The following PRR23B variants were observed in gnomAD, a reference collection of about 807,000 sequenced individuals.
The protein encoded by PRR23B is proline-rich protein 23B.
For missense variants in PRR23B, 375 were observed against 371.7 expected (o/e 1.01, Z -0.07); for synonymous variants, 157 against 168.0 (o/e 0.93, Z 0.51).
Position 139,020,662 on chromosome 3 carries a change from C to G in PRR23B, c.-1G>C, listed in dbSNP as rs1361369230. The G allele has an allele frequency of 5.3e-6, 8 of 1,510,732 alleles. No individual in the cohort carries two copies. The highest frequency in any genetic ancestry group is 4.5e-5 in the Admixed American group (2 of 44,644). 93.6% of individuals were successfully genotyped at this position (1,510,732 alleles called of 1,614,324 possible). A position where few individuals can be genotyped will look rare whatever the true frequency, so the allele number is the denominator to read the frequency against. On this transcript the variant is annotated 5_prime_UTR_variant, in exon 1 of 1. Transcript: ENST00000329447. ...TGGGGCTGCGGGGCCGGCTGACCAT[C>G]GCCTCGACGGCGCTGTGGACGGCGC...
chr3:139,019,102 A>G lies in PRR23B; in HGVS notation c.*762T>C, dbSNP rs1468618995. On this transcript the variant is annotated 3_prime_UTR_variant, in exon 1 of 1. Coordinates refer to ENST00000329447, the MANE Select transcript of PRR23B (RefSeq NM_001013650.2). ...ACTACAGTAATAAACTAACATTTTAAAAGTTAGAAGTTTGGTTTACATGAG... is the reference window on the plus strand; with the variant it reads ...ACTACAGTAATAAACTAACATTTTAGAAGTTAGAAGTTTGGTTTACATGAG... 1.3e-5 allele frequency: 2 copies of G among 152,216 alleles called. No individual in the cohort carries two copies. The highest frequency in any genetic ancestry group is 2.9e-5 in the Non-Finnish European group (2 of 68,036). 9.4% of individuals were successfully genotyped at this position (152,216 alleles called of 1,614,324 possible). A position where few individuals can be genotyped will look rare whatever the true frequency, so the allele number is the denominator to read the frequency against.
Position 139,020,645 on chromosome 3 carries a change from C to T in PRR23B, c.17G>A (p.Arg6His), listed in dbSNP as rs1346915827. ...GGGAGCAGGGAAGGCGCTGGGGCTGCGGGGCCGGCTGACCATCGCCTCGAC... is the reference window on the plus strand; with the variant it reads ...GGGAGCAGGGAAGGCGCTGGGGCTGTGGGGCCGGCTGACCATCGCCTCGAC... MVSRP[R>H]SPSAFPAPWW... Residue 6 changes from arginine to histidine, a missense_variant, in exon 1 of 1, where the codon CGC (arginine) becomes CAC (histidine). Arg to His is a conservative substitution (Grantham distance 29). Coordinates refer to ENST00000329447, the MANE Select transcript of PRR23B (RefSeq NM_001013650.2). The T allele has an allele frequency of 5.4e-5, 82 of 1,532,380 alleles. No homozygotes were observed. Among genetic ancestry groups the T allele is most frequent in the Middle Eastern group, 2.3e-4 (1 of 4,310 alleles). The allele number at this position is 1,532,380 out of a possible 1,614,324, so 94.9% of individuals were successfully genotyped here. A position where few individuals can be genotyped will look rare whatever the true frequency, so the allele number is the denominator to read the frequency against.
At position 139,020,752 on chromosome 3, in the gene PRR23B, G is replaced by T. The variant is rs1392387124; in HGVS notation, c.-91C>A. The T allele has an allele frequency of 2.2e-6, 3 of 1,390,362 alleles. No individual in the cohort carries two copies. In the East Asian group the frequency reaches 8.3e-5, roughly 39 times the overall value. The allele number at this position is 1,390,362 out of a possible 1,614,324, so 86.1% of individuals were successfully genotyped here. On this transcript the variant is annotated 5_prime_UTR_variant, in exon 1 of 1. Transcript: ENST00000329447. ...AGTCCTCTTTGAAGTAACAGATGTCGGTGGTAGGGGAGGCTGGTTGGGACG... is the reference window on the plus strand; with the variant it reads ...AGTCCTCTTTGAAGTAACAGATGTCTGTGGTAGGGGAGGCTGGTTGGGACG...
In PRR23B at chr3:139,020,557, C is replaced by G. The variant is rs551593767; in HGVS notation, c.105G>C (p.Ala35=). The G allele has an allele frequency of 1.0e-4, 159 of 1,551,190 alleles. No individual in the cohort carries two copies. The highest frequency in any genetic ancestry group is 4.5e-4 in the Middle Eastern group (2 of 4,396). ...TGGGTGCCGCGCGGGGTTCGGGGCC[C>G]GCGGGCTCCTCCAATCGGAGGCGCT... The part of the protein sequence containing the change: ...PAKRLRLEEP[A]GPEPRAAPSL... The change falls in exon 1 of 1, where the codon GCG becomes GCC. Residue 35 remains alanine, a synonymous_variant. Coordinates refer to ENST00000329447, the MANE Select transcript of PRR23B (RefSeq NM_001013650.2).
Position 139,019,463 on chromosome 3 carries a change from GTAAC to G in PRR23B, c.*397_*400del, listed in dbSNP as rs1936921910. 1 of 163,290 alleles carries G rather than the reference GTAAC, an allele frequency of 6.1e-6. No individual in the cohort carries two copies. The highest frequency in any genetic ancestry group is 1.9e-4 in the South Asian group (1 of 5,282). 10.1% of individuals were successfully genotyped at this position (163,290 alleles called of 1,614,324 possible). On this transcript the variant is annotated 3_prime_UTR_variant, in exon 1 of 1. Transcript: ENST00000329447. Reference sequence around the variant, plus strand: ...AAAATTCATGGGAAAAAAATGCAAGGTAACTAACAACGTAAGAGATCTGGTGATT... The same window carrying G: ...AAAATTCATGGGAAAAAAATGCAAGGTAACAACGTAAGAGATCTGGTGATT...
In PRR23B at chr3:139,020,667, C is replaced by G. The variant is rs952901089; in HGVS notation, c.-6G>C. Reference sequence around the variant, plus strand: ...CTGCGGGGCCGGCTGACCATCGCCTCGACGGCGCTGTGGACGGCGCTCCTG... The same window carrying G: ...CTGCGGGGCCGGCTGACCATCGCCTGGACGGCGCTGTGGACGGCGCTCCTG... On this transcript the variant is annotated 5_prime_UTR_variant, in exon 1 of 1. Transcript: ENST00000329447. 3.4e-5 allele frequency: 51 copies of G among 1,504,228 alleles called. No homozygotes were observed. The African/African-American group carries it at 3.9e-4, about 12-fold the overall frequency. 93.2% of individuals were successfully genotyped at this position (1,504,228 alleles called of 1,614,324 possible).
At position 139,019,918 on chromosome 3, in the gene PRR23B, C is replaced by T. The variant is rs1175231356; in HGVS notation, c.744G>A (p.Ser248=). The T allele has an allele frequency of 1.0e-5, 16 of 1,606,672 alleles. No individual in the cohort carries two copies. The highest frequency in any genetic ancestry group is 2.2e-5 in the South Asian group (2 of 89,278). ...TGCACGGAGGGCGTTCCGGGAGCGG[C>T]GAGCGCGCGTGGGGACCTGGACTCC... The part of the protein sequence containing the change: ...CVGSPGPHAR[S]PLPERPPCKA... The change falls in exon 1 of 1, where the codon TCG becomes TCA. Residue 248 remains serine (S), a synonymous_variant. Coordinates refer to ENST00000329447, the MANE Select transcript of PRR23B (RefSeq NM_001013650.2).
In PRR23B at chr3:139,019,697, G is replaced by T; in HGVS notation, c.*167C>A. The stretch of plus-strand genomic sequence containing the variant: ...GGTCTAGAATATACCTTTTCTTGCT[G>T]ACGTCTTCATCTCCTACTATCGGTA... On this transcript the variant is annotated 3_prime_UTR_variant, in exon 1 of 1. Coordinates refer to ENST00000329447, the MANE Select transcript of PRR23B (RefSeq NM_001013650.2). 1.6e-6 allele frequency: 1 copy of T among 633,314 alleles called. No individual in the cohort carries two copies. The highest frequency in any genetic ancestry group is 2.6e-6 in the Non-Finnish European group (1 of 378,306). 39.2% of individuals were successfully genotyped at this position (633,314 alleles called of 1,614,324 possible).
At position 139,019,763 on chromosome 3, in the gene PRR23B, A is replaced by G. The variant is rs1427727362; in HGVS notation, c.*101T>C. The G allele has an allele frequency of 7.9e-7, 1 of 1,258,886 alleles. No homozygotes were observed. The highest frequency in any genetic ancestry group is 1.1e-6 in the Non-Finnish European group (1 of 914,384). 78.0% of individuals were successfully genotyped at this position (1,258,886 alleles called of 1,614,324 possible). ...GCAATTGTCCGAACACGCGGTGCCC[A>G]ATTTCCAGGTTGTTGGATACTCAAT... On this transcript the variant is annotated 3_prime_UTR_variant, in exon 1 of 1. Transcript: ENST00000329447.
In PRR23B at chr3:139,019,778, G is replaced by C; in HGVS notation, c.*86C>G. On this transcript the variant is annotated 3_prime_UTR_variant, in exon 1 of 1. Coordinates refer to ENST00000329447, the MANE Select transcript of PRR23B (RefSeq NM_001013650.2). The stretch of plus-strand genomic sequence containing the variant: ...CGCGGTGCCCAATTTCCAGGTTGTT[G>C]GATACTCAATGTGAGAGATTCCCGC... 7.3e-7 allele frequency: 1 copy of C among 1,375,264 alleles called. No homozygotes were observed. The highest frequency in any genetic ancestry group is 9.9e-7 in the Non-Finnish European group (1 of 1,014,412). 85.2% of individuals were successfully genotyped at this position (1,375,264 alleles called of 1,614,324 possible). A position where few individuals can be genotyped will look rare whatever the true frequency, so the allele number is the denominator to read the frequency against.
chr3:139,019,952 G>T lies in PRR23B; in HGVS notation c.710C>A (p.Pro237Gln). Reference protein sequence around the residue: ...SSPLQPLPPSPCVGSPGPHAR... With the variant: ...SSPLQPLPPSQCVGSPGPHAR... ...GTGGGGACCTGGACTCCCCACGCAC[G>T]GAGAGGGAGGTAGAGGTTGGAGAGG... The change falls in exon 1 of 1, where the codon CCG (proline) becomes CAG (glutamine). Residue 237 changes from proline to glutamine, a missense_variant. Physicochemically the swap from Pro to Gln is moderately conservative, Grantham distance 76 (BLOSUM62 -1). Coordinates refer to ENST00000329447, the MANE Select transcript of PRR23B (RefSeq NM_001013650.2). 1.2e-6 allele frequency: 2 copies of T among 1,613,972 alleles called. No homozygotes were observed. Among genetic ancestry groups the T allele is most frequent in the South Asian group, 2.2e-5 (2 of 91,066 alleles).
chr3:139,020,670 C>T lies in PRR23B; in HGVS notation c.-9G>A. 7 of 1,501,912 alleles carry T rather than the reference C, an allele frequency of 4.7e-6. No homozygotes were observed. The highest frequency in any genetic ancestry group is 5.3e-6 in the Non-Finnish European group (6 of 1,134,828). 93.0% of individuals were successfully genotyped at this position (1,501,912 alleles called of 1,614,324 possible). ...CGGGGCCGGCTGACCATCGCCTCGA[C>T]GGCGCTGTGGACGGCGCTCCTGGGC... On this transcript the variant is annotated 5_prime_UTR_variant, in exon 1 of 1. Transcript: ENST00000329447.
At position 139,019,880 on chromosome 3, in the gene PRR23B, C is replaced by A. The variant is rs1936927307; in HGVS notation, c.782G>T (p.Arg261Leu). ...GGTGGGGGTCTATGCCTGGAACAGGCGTCTCCGGGCCTTGCACGGAGGGCG... is the reference window on the plus strand; with the variant it reads ...GGTGGGGGTCTATGCCTGGAACAGGAGTCTCCGGGCCTTGCACGGAGGGCG... ...PERPPCKARRRLFQA is the reference protein window; with the variant it reads ...PERPPCKARRLLFQA The change falls in exon 1 of 1, where the codon CGC (arginine) becomes CTC (leucine). Residue 261 changes from arginine to leucine, a missense_variant. Arg to Leu is a moderately radical substitution (Grantham distance 102). Transcript: ENST00000329447. The A allele has an allele frequency of 6.3e-7, 1 of 1,597,608 alleles. No homozygotes were observed. Among genetic ancestry groups the A allele is most frequent in the East Asian group, 2.2e-5 (1 of 44,804 alleles).
rs758335473 is a variant in PRR23B, at chr3:139,020,146, G to T, written c.516C>A (p.Thr172=). The change falls in exon 1 of 1, where the codon ACC becomes ACA. Residue 172 remains threonine, a synonymous_variant. Transcript: ENST00000329447. ...AGGGGTAGAGCCCAGCGGCTGAGCCGGTTGGGGAGTCCATCCGGAGCTCCG... is the reference window on the plus strand; with the variant it reads ...AGGGGTAGAGCCCAGCGGCTGAGCCTGTTGGGGAGTCCATCCGGAGCTCCG... ...EFPELRMDSP[T]GSAAGLYPSS... 4.3e-6 allele frequency: 7 copies of T among 1,614,100 alleles called. No homozygotes were observed. In the South Asian group the frequency reaches 7.7e-5, roughly 18 times the overall value.
In PRR23B at chr3:139,019,810, A is replaced by G; in HGVS notation, c.*54T>C. On this transcript the variant is annotated 3_prime_UTR_variant, in exon 1 of 1. Coordinates refer to ENST00000329447, the MANE Select transcript of PRR23B (RefSeq NM_001013650.2). ...CAATGTGAGAGATTCCCGCAATCCT[A>G]GAGGGCCTCCAGCAGAGCGGCCAGG... is the stretch of plus-strand genomic sequence containing the variant. The G allele has an allele frequency of 6.7e-7, 1 of 1,499,250 alleles. No individual in the cohort carries two copies. Among genetic ancestry groups the G allele is most frequent in the South Asian group, 1.3e-5 (1 of 74,774 alleles). The allele number at this position is 1,499,250 out of a possible 1,614,324, so 92.9% of individuals were successfully genotyped here.
At position 139,020,022 on chromosome 3, in the gene PRR23B, T is replaced by C. The variant is rs766978850; in HGVS notation, c.640A>G (p.Ile214Val). Residue 214 changes from isoleucine (I) to valine (V), a missense_variant, in exon 1 of 1, where the codon ATC becomes GTC. By Grantham distance (29) the Ile-to-Val change is conservative. Coordinates refer to ENST00000329447, the MANE Select transcript of PRR23B (RefSeq NM_001013650.2). The part of the protein sequence containing the change: ...PSSERRSPRP[I>V]FDLEFRLLEP... ...AGAAGGCGGAATTCCAGGTCAAAGATGGGGCGTGGAGAACGTCTCTCTGAA... is the reference window on the plus strand; with the variant it reads ...AGAAGGCGGAATTCCAGGTCAAAGACGGGGCGTGGAGAACGTCTCTCTGAA... The C allele has an allele frequency of 1.2e-6, 2 of 1,613,810 alleles. No homozygotes were observed. Among genetic ancestry groups the C allele is most frequent in the Non-Finnish European group, 1.7e-6 (2 of 1,179,958 alleles).
rs775242393 is a variant in PRR23B at position 139,020,452 on chromosome 3, A to G, written c.210T>C (p.Arg70=). ...CCAGGTCGACGTCGTCCAGGGGCAC[A>G]CGCAGGGCACAGCCCGCGGCCAGGA... ...IVVLAAGCAL[R]VPLDDVDLVL... Residue 70 remains arginine, a synonymous_variant, in exon 1 of 1, where the codon CGT becomes CGC. Transcript: ENST00000329447. 6.2e-7 allele frequency: 1 copy of G among 1,612,118 alleles called. No individual in the cohort carries two copies. The highest frequency in any genetic ancestry group is 1.1e-5 in the South Asian group (1 of 90,932).
In PRR23B at chr3:139,020,358, C is replaced by T; in HGVS notation, c.304G>A (p.Glu102Lys). The T allele has an allele frequency of 2.5e-6, 4 of 1,614,048 alleles. No homozygotes were observed. Among genetic ancestry groups the T allele is most frequent in the Non-Finnish European group, 3.4e-6 (4 of 1,180,004 alleles). ...LGGHTLILIP[E>K]VLLSSVDERS... ...TCGTCGACGGAGCTCAGGAGGACCT[C>T]TGGGATCAGGATGAGGGTGTGTCCA... Residue 102 changes from glutamate (E) to lysine (K), a missense_variant, in exon 1 of 1, where the codon GAG (glutamate) becomes AAG (lysine). By Grantham distance (56) the Glu-to-Lys change is moderately conservative. Transcript: ENST00000329447.
chr3:139,020,830 G>A lies in PRR23B; in HGVS notation c.-169C>T. On this transcript the variant is annotated 5_prime_UTR_variant, in exon 1 of 1. Transcript: ENST00000329447. ...GGCGAGTCCTCGGAGCTCCCGGGGC[G>A]CCTCCTGGGGGACCGTAGTCTGGGC... The A allele has an allele frequency of 3.6e-6, 3 of 840,186 alleles. No individual in the cohort carries two copies. The highest frequency in any genetic ancestry group is 2.1e-5 in the South Asian group (1 of 47,302). The allele number at this position is 840,186 out of a possible 1,614,324, so 52.0% of individuals were successfully genotyped here.
Sources: gnomAD v4.1 joint callset for allele counts on GRCh38, gnomAD v4.1.1 for gene constraint, MANE v1.5 for transcripts, NCBI Gene and HGNC (gene_info 2026-07-23, HGNC 2026-07-21) for gene names.